Variants in PHACTR1 observed in about 807,000 individuals in gnomAD.
The protein encoded by PHACTR1 is RPEL repeat containing 1.
In PHACTR1, 16 loss-of-function variants were observed where a neutral mutation model predicts 69.2. The observed-to-expected ratio is 0.23, with a 90% CI of 0.16 to 0.35. The LOEUF (loss-of-function observed/expected upper bound fraction) is 0.35. PHACTR1 is among the 10% of genes least tolerant of loss of function. The probability of loss-of-function intolerance (pLI) is 1.00; values close to 1 mark genes in which losing one functional copy is unlikely to be tolerated. For synonymous variants in PHACTR1, 312 were observed against 284.5 expected, an observed-to-expected ratio of 1.10 and a Z score of -0.97; for missense variants, 510 against 734.7, an observed-to-expected ratio of 0.69 and a Z score of 3.54.
intron 4 of PHACTR1, among the ~76,000 whole-genome samples, chr6:12,836,589 A>G (rs1778191015): frequency 6.6e-6 from 1 of 152,174 alleles, no homozygotes; most frequent in Non-Finnish European, 1.5e-5. Flanking sequence ...TGTAAACTTT[A>G]TTAAATTAAT....
chr6:13,050,966 C>G (rs1432882158), intron 4 of PHACTR1, among the ~76,000 whole-genome samples: 1 of 152,120 alleles, frequency 6.6e-6, no homozygotes, highest in Admixed American at 6.6e-5. Context: ...TGCTTGAATC[C>G]TAGTTACTGT....
intron 5 of PHACTR1, among the ~76,000 whole-genome samples, chr6:13,124,873 C>T (rs999700943): frequency 1.7e-4 from 26 of 152,066 alleles, no homozygotes; most frequent in African/African-American, 5.8e-4. Context: ...TCTTATAATC[C>T]CATCACCCAT....
intron 4 of PHACTR1, among the ~76,000 whole-genome samples, chr6:13,029,587 G>A (rs1802169976): frequency 6.6e-6 from 1 of 152,170 alleles, no homozygotes; most frequent in South Asian, 2.1e-4. Context: ...AAAATAGATG[G>A]AGGAGCATAC....
intron 4 of PHACTR1, among the ~76,000 whole-genome samples, chr6:13,011,232 C>T (rs1799415065): frequency 6.6e-6 from 1 of 152,226 alleles, no homozygotes; most frequent in Non-Finnish European, 1.5e-5. Flanking sequence ...CCACTAGCCA[C>T]ATGCGGCCAC....
chr6:13,280,434 G>T (rs17700321), intron 12 of PHACTR1: 27,007 of 156,398 alleles, frequency 0.17, 2,420 homozygotes, highest in South Asian at 0.29. Flanking sequence ...GCAGAGATGT[G>T]GCGCCTTCCG....
rs150758535 is a variant in PHACTR1, at chr6:13,092,378, G to T, written c.415+38849G>T. 8.6e-3 allele frequency among the ~76,000 whole-genome samples: 1,309 copies of T among 152,216 alleles called. 10 individuals are homozygous for T. Among genetic ancestry groups the T allele is most frequent in the Non-Finnish European group, 0.013 (865 of 68,010 alleles). On this transcript the variant is annotated intron_variant, in intron 5 of 14. Coordinates refer to ENST00000332995, the MANE Select transcript of PHACTR1 (RefSeq NM_030948.6). The stretch of plus-strand genomic sequence containing the variant: ...ACAGTTGTCATTTACTAAGTCCTGT[G>T]CTGGGTACTAAAAATATAGAGGTGA...
intron 4 of PHACTR1, among the ~76,000 whole-genome samples, chr6:12,874,469 C>G (rs184228657): frequency 3.3e-5 from 5 of 152,242 alleles, no homozygotes; most frequent in Non-Finnish European, 5.9e-5. Context: ...TTCATCATAT[C>G]TTTCTTCTTC....
intron 4 of PHACTR1, among the ~76,000 whole-genome samples, chr6:13,018,664 T>C (rs1313201539): frequency 2.0e-5 from 3 of 152,152 alleles, no homozygotes; most frequent in African/African-American, 7.2e-5. Flanking sequence ...CATATATTTC[T>C]AACAAGACAA....
intron 4 of PHACTR1, among the ~76,000 whole-genome samples, chr6:13,013,781 A>C (rs1164810159): frequency 6.7e-6 from 1 of 149,410 alleles, no homozygotes; most frequent in African/African-American, 2.4e-5. Flanking sequence ...GCTTATATAG[A>C]GCGGCCGGCG....
chr6:12,773,781 C>CA (rs1161571812), intron 4 of PHACTR1, among the ~76,000 whole-genome samples: 1 of 152,174 alleles, frequency 6.6e-6, no homozygotes, highest in African/African-American at 2.4e-5. Flanking sequence ...CAAACTTTGA[C>CA]AAAAATACCT....
chr6:13,135,900 T>A (rs1282333713), intron 5 of PHACTR1, among the ~76,000 whole-genome samples: 1 of 151,920 alleles, frequency 6.6e-6, no homozygotes, highest in Non-Finnish European at 1.5e-5. Flanking sequence ...AAAAATGTAT[T>A]TGAAATAGAA....
intron 5 of PHACTR1, among the ~76,000 whole-genome samples, chr6:13,113,432 A>G (rs1418094962): frequency 6.6e-6 from 1 of 152,212 alleles, no homozygotes; most frequent in Non-Finnish European, 1.5e-5. Flanking sequence ...GAGAAAGGAA[A>G]AGCAAGGGAC....
At chr6:12,916,013 G>A (rs1187349672) in intron 4 of PHACTR1, among the ~76,000 whole-genome samples, 1 of 152,114 alleles carries the variant, frequency 6.6e-6, no homozygotes, top group African/African-American at 2.4e-5. Context: ...TTAATACCAG[G>A]CAAAACTGTG....
At chr6:13,239,878 A>T (rs1772568557) in intron 10 of PHACTR1, among the ~76,000 whole-genome samples, 1 of 152,208 alleles carries the variant, frequency 6.6e-6, no homozygotes, top group African/African-American at 2.4e-5. Context: ...CCGCATGTTG[A>T]GGAGCAGAGC....
At chr6:13,106,599 T>C (rs970142122) in intron 5 of PHACTR1, among the ~76,000 whole-genome samples, 4 of 152,168 alleles carry the variant, frequency 2.6e-5, no homozygotes, top group Non-Finnish European at 5.9e-5. Context: ...CAACTCAGCC[T>C]CCTAAGGAGC....
chr6:12,938,637 T>G (rs1414336588), intron 4 of PHACTR1, among the ~76,000 whole-genome samples: 4 of 152,168 alleles, frequency 2.6e-5, no homozygotes, highest in Non-Finnish European at 4.4e-5. Context: ...TATACACCCA[T>G]GAAACCATCA....
Position 12,878,551 on chromosome 6 carries a change from G to A in PHACTR1, c.250+128761G>A, listed in dbSNP as rs532733039. Among the ~76,000 whole-genome samples the A allele has an allele frequency of 4.8e-4, 73 of 152,258 alleles. 2 individuals carry two copies. Among genetic ancestry groups the A allele is most frequent in the Middle Eastern group, 6.8e-3 (2 of 294 alleles). On this transcript the variant is annotated intron_variant, in intron 4 of 14. Coordinates refer to ENST00000332995, the MANE Select transcript of PHACTR1 (RefSeq NM_030948.6). ...CTCAGGGAGCTTATCATCTTACAGG[G>A]GAACCCCAGCTAGCTCATATATCAG...
At chr6:13,023,768 G>C (rs1460877426) in intron 4 of PHACTR1, among the ~76,000 whole-genome samples, 1 of 152,094 alleles carries the variant, frequency 6.6e-6, no homozygotes, top group East Asian at 1.9e-4. Context: ...AATTCTTCTG[G>C]CCATGGAAAG....
chr6:13,268,118 T>C (rs1179807855), intron 10 of PHACTR1, among the ~76,000 whole-genome samples: 2 of 151,954 alleles, frequency 1.3e-5, no homozygotes, highest in African/African-American at 2.4e-5. Context: ...AATACAAAAA[T>C]TAGCTGGGCG....
Sources: gnomAD v4.1 joint callset for allele counts (sites outside exome capture counted in the v4.1 genomes callset) on GRCh38, gnomAD v4.1.1 for gene constraint, MANE v1.5 for transcripts, NCBI Gene and HGNC (gene_info 2026-07-23, HGNC 2026-07-21) for gene names.